ODAD2: variants seen among roughly 807,000 people sequenced by gnomAD.
ODAD2 encodes the protein outer dynein arm docking complex subunit 2.
Under a neutral mutation model 106.8 loss-of-function variants are expected in ODAD2, and 89 were observed. The ratio of observed to expected loss-of-function variants is 0.83; its 90% CI spans 0.70 to 0.99. ODAD2 has a LOEUF of 0.99. ODAD2 is among the 50% of genes least tolerant of loss of function. The pLI, the probability that ODAD2 is intolerant of heterozygous loss-of-function variation, is 0.00. For missense variants in ODAD2, 1,168 were observed against 1,238.5 expected, an observed-to-expected ratio of 0.94 and a Z score of 0.85; for synonymous variants, 404 against 436.2, an observed-to-expected ratio of 0.93 and a Z score of 0.92.
intron 14 of ODAD2, among the ~76,000 whole-genome samples, 156 bp from the exon 15 acceptor site, chr10:27,937,036 T>C (rs1846032446): frequency 6.6e-6 from 1 of 152,202 alleles, no homozygotes; most frequent in African/African-American, 2.4e-5. Context: ...ATCTTTCTAC[T>C]AGTAGCTTTC....
chr10:27,943,622 A>C (rs886356505), intron 12 of ODAD2, among the ~76,000 whole-genome samples: 10 of 151,866 alleles, frequency 6.6e-5, no homozygotes, highest in Admixed American at 6.6e-4. Flanking sequence ...CTCTGTCTCT[A>C]CTAAAAATAT....
chr10:27,940,991 C>T (rs916946416), intron 12 of ODAD2, among the ~76,000 whole-genome samples, 186 bp from the exon 13 acceptor site: 2 of 152,176 alleles, frequency 1.3e-5, no homozygotes, highest in African/African-American at 4.8e-5. Flanking sequence ...AAAAAACCTT[C>T]CTCCAGATTT....
chr10:27,938,188 C>T (rs1178423764), intron 14 of ODAD2, among the ~76,000 whole-genome samples: 1 of 152,138 alleles, frequency 6.6e-6, no homozygotes, highest in Non-Finnish European at 1.5e-5. Flanking sequence ...ATCCACACAC[C>T]TCGGCCTCCC....
chr10:27,846,093 T>C (rs187783421), intron 19 of ODAD2, among the ~76,000 whole-genome samples: 9 of 152,068 alleles, frequency 5.9e-5, no homozygotes, highest in Non-Finnish European at 1.2e-4. Flanking sequence ...TCCACAGAAC[T>C]CTCCACCCCA....
chr10:27,912,866 A>G (rs1401623208), intron 16 of ODAD2, among the ~76,000 whole-genome samples: 2 of 152,154 alleles, frequency 1.3e-5, no homozygotes, highest in Non-Finnish European at 2.9e-5. Flanking sequence ...GGAAAAACAG[A>G]TTAGAAGAGA....
chr10:27,895,951 A>T (rs1232350124), intron 17 of ODAD2, among the ~76,000 whole-genome samples: 1 of 152,210 alleles, frequency 6.6e-6, no homozygotes, highest in African/African-American at 2.4e-5. Context: ...ACCCTGAAAA[A>T]TAGGACCTTT....
intron 10 of ODAD2, among the ~76,000 whole-genome samples, chr10:27,952,179 C>T (rs1056256178): frequency 6.7e-6 from 1 of 149,262 alleles, no homozygotes; most frequent in East Asian, 2.0e-4. Context: ...AGATGAACAA[C>T]CACACAGAAA....
chr10:27,871,263 T>G (rs1840860122), intron 17 of ODAD2, among the ~76,000 whole-genome samples: 1 of 152,244 alleles, frequency 6.6e-6, no homozygotes, highest in Non-Finnish European at 1.5e-5. Flanking sequence ...TAACCCTTTG[T>G]CAGATGAGTA....
chr10:27,842,593 A>G (rs1838393602), intron 19 of ODAD2, among the ~76,000 whole-genome samples: 1 of 152,218 alleles, frequency 6.6e-6, no homozygotes, highest in Non-Finnish European at 1.5e-5. Flanking sequence ...TCAAAAACAT[A>G]TAAATGTCTT....
chr10:27,878,097 A>G (rs560310418), intron 17 of ODAD2, among the ~76,000 whole-genome samples: 1 of 152,312 alleles, frequency 6.6e-6, no homozygotes, highest in African/African-American at 2.4e-5. Context: ...TACTTAGGAG[A>G]TTAGTAATTT....
intron 16 of ODAD2, among the ~76,000 whole-genome samples, chr10:27,934,595 A>C (rs1845833110): frequency 6.6e-6 from 1 of 151,996 alleles, no homozygotes; most frequent in South Asian, 2.1e-4. Context: ...TCTTCCCCTC[A>C]TCAGTTCACA....
intron 16 of ODAD2, among the ~76,000 whole-genome samples, chr10:27,930,706 C>A (rs1845559203): frequency 6.6e-6 from 1 of 151,644 alleles, no homozygotes; most frequent in Non-Finnish European, 1.5e-5. Flanking sequence ...AAACAATATA[C>A]TGTTTTAACA....
At chr10:27,871,901 T>A (rs1049442650) in intron 17 of ODAD2, among the ~76,000 whole-genome samples, 3 of 152,170 alleles carry the variant, frequency 2.0e-5, no homozygotes, top group Admixed American at 2.0e-4. Flanking sequence ...AGAAAGTCAT[T>A]GGTAGTTTCA....
chr10:27,993,974 A>ATGTGTGTGTGTGTGTG (rs56017872), intron 2 of ODAD2, among the ~76,000 whole-genome samples: 1 of 140,546 alleles, frequency 7.1e-6, no homozygotes, highest in Non-Finnish European at 1.5e-5. Context: ...ATATATATAT[A>ATGTGTGTGTGTGTGTG]TGTGTGTGTG....
chr10:27,935,343 A>T (rs558555708), intron 15 of ODAD2, 91 bp from the exon 16 acceptor site: 11 of 1,456,416 alleles, frequency 7.6e-6, no homozygotes, highest in Non-Finnish European at 1.0e-5. Flanking sequence ...CAACAACCCA[A>T]TGATACAGAT....
chr10:27,984,957 T>C, intron 4 of ODAD2, 62 bp downstream of exon 4: 1 of 1,100,550 alleles, frequency 9.1e-7, no homozygotes, highest in Non-Finnish European at 1.3e-6. Flanking sequence ...TCACCCAGGC[T>C]GGAGTTCAGT....
intron 19 of ODAD2, among the ~76,000 whole-genome samples, chr10:27,850,462 A>G (rs1441068586): frequency 6.6e-6 from 1 of 151,470 alleles, no homozygotes; most frequent in Non-Finnish European, 1.5e-5. Context: ...AAAAAAAAAA[A>G]AAAAGAATCA....
chr10:27,854,680 A>G (rs1589831813), intron 19 of ODAD2, among the ~76,000 whole-genome samples: 1 of 152,194 alleles, frequency 6.6e-6, no homozygotes, highest in East Asian at 1.9e-4. Context: ...TGCTTGAGCC[A>G]AGGAGGTAGA....
intron 19 of ODAD2, among the ~76,000 whole-genome samples, chr10:27,838,927 G>A (rs1467634662): frequency 5.3e-5 from 8 of 152,142 alleles, no homozygotes; most frequent in African/African-American, 1.7e-4. Flanking sequence ...TCAGGAAAGC[G>A]TCTTTCTTTG....
Sources: allele counts gnomAD v4.1 joint callset (sites outside exome capture counted in the v4.1 genomes callset), GRCh38; gene constraint gnomAD v4.1.1; transcripts MANE v1.5; gene names NCBI Gene and HGNC (gene_info 2026-07-23, HGNC 2026-07-21).